The following LPP variants were observed in gnomAD, a reference collection of about 807,000 sequenced individuals.
The protein encoded by LPP is lipoma-preferred partner.
LPP carries 38 observed loss-of-function variants against 60.4 expected under a neutral mutation model. The observed-to-expected ratio is 0.63, with a 90% CI of 0.49 to 0.83. The LOEUF is 0.83. Among genes scored for constraint, LPP ranks in the 40% least tolerant of loss-of-function variants. LPP has a pLI of 0.00. For missense variants in LPP, 902 were observed against 783.6 expected (o/e 1.15, Z -1.80); for synonymous variants, 328 against 290.8 (o/e 1.13, Z -1.30).
intron 5 of LPP, among the ~76,000 whole-genome samples, chr3:188,501,969 C>T (rs1413296067): frequency 6.6e-6 from 1 of 151,412 alleles, no homozygotes; most frequent in African/African-American, 2.4e-5. Context: ...GTGAATTTTG[C>T]AGTTTTACTT....
chr3:188,784,130 C>A (rs941751983), intron 9 of LPP, among the ~76,000 whole-genome samples: 2 of 151,570 alleles, frequency 1.3e-5, no homozygotes, highest in African/African-American at 4.9e-5. Flanking sequence ...TATGCTTTTG[C>A]GTCCTCGTGG....
chr3:188,531,873 T>C (rs967647225), intron 6 of LPP, among the ~76,000 whole-genome samples: 3 of 152,128 alleles, frequency 2.0e-5, no homozygotes, highest in Non-Finnish European at 4.4e-5. Context: ...CCCCAATTTG[T>C]AGTCAAATCA....
intron 6 of LPP, among the ~76,000 whole-genome samples, chr3:188,586,020 T>A (rs1259636686): frequency 2.6e-5 from 4 of 152,208 alleles, no homozygotes; most frequent in African/African-American, 9.6e-5. Context: ...GGTGTGAAGA[T>A]CTTTTGCATT....
intron 6 of LPP, among the ~76,000 whole-genome samples, chr3:188,577,768 C>CCTTCCTTCCTTA: frequency 6.8e-6 from 1 of 146,116 alleles, no homozygotes; most frequent in South Asian, 2.2e-4. Context: ...TTCGTTCCTT[C>CCTTCCTTCCTTA]CTTCCTTCCT....
intron 3 of LPP, among the ~76,000 whole-genome samples, chr3:188,375,437 A>T (rs995944204): frequency 6.6e-6 from 1 of 152,148 alleles, no homozygotes; most frequent in Admixed American, 6.5e-5. Flanking sequence ...TAGGCTTGGG[A>T]GGATGTATGT....
chr3:188,249,900 TA>T (rs58762873), intron 2 of LPP, among the ~76,000 whole-genome samples: 5,474 of 119,038 alleles, frequency 0.046, 156 homozygotes, highest in African/African-American at 0.067. Flanking sequence ...TATATATATA[TA>T]TTTTTTTTTT....
chr3:188,538,535 CAT>C (rs1423780280), intron 6 of LPP, among the ~76,000 whole-genome samples: 12 of 152,120 alleles, frequency 7.9e-5, no homozygotes, highest in Admixed American at 3.9e-4. Context: ...AAAAAGACAA[CAT>C]GTGTTGGCAA....
At chr3:188,518,067 A>T (rs9829659) in intron 5 of LPP, among the ~76,000 whole-genome samples, 149,996 of 152,252 alleles carry the variant, frequency 0.99, 73,923 homozygotes, top group East Asian at 1. Flanking sequence ...CAGAAGCAGA[A>T]GGCAGCTCCA....
intron 2 of LPP, among the ~76,000 whole-genome samples, chr3:188,327,385 A>G (rs989609051): frequency 3.9e-5 from 6 of 152,168 alleles, no homozygotes; most frequent in African/African-American, 1.2e-4. Context: ...TGTTTACTAC[A>G]TGCTAGGCAC....
intron 6 of LPP, among the ~76,000 whole-genome samples, chr3:188,539,331 C>A (rs1824499132): frequency 6.6e-6 from 1 of 152,172 alleles, no homozygotes; most frequent in Admixed American, 6.5e-5. Flanking sequence ...AAGAAAGAAG[C>A]ACATGGAGGG....
At chr3:188,563,778 C>G (rs1325306306) in intron 6 of LPP, among the ~76,000 whole-genome samples, 1 of 143,286 alleles carries the variant, frequency 7.0e-6, no homozygotes, top group Admixed American at 7.3e-5. Context: ...GGGCCATCAT[C>G]GCAAATGTTA....
chr3:188,496,231 T>C (rs1810162636), intron 5 of LPP, among the ~76,000 whole-genome samples: 1 of 152,128 alleles, frequency 6.6e-6, no homozygotes, highest in South Asian at 2.1e-4. Flanking sequence ...GTTCAAGCCA[T>C]TCTCCCGCCT....
chr3:188,617,949 C>T (rs1324948133), intron 7 of LPP, among the ~76,000 whole-genome samples: 2 of 152,200 alleles, frequency 1.3e-5, no homozygotes, highest in Non-Finnish European at 2.9e-5. Flanking sequence ...TACAAACACT[C>T]ATACTGTCCA....
At chr3:188,798,426 G>T (rs146702600) in intron 9 of LPP, among the ~76,000 whole-genome samples, 60 of 152,256 alleles carry the variant, frequency 3.9e-4, no homozygotes, top group Admixed American at 1.9e-3. Flanking sequence ...AATAAGGCCT[G>T]TTGAGACATT....
chr3:188,479,017 G>A (rs1579213607), intron 4 of LPP, among the ~76,000 whole-genome samples: 1 of 152,232 alleles, frequency 6.6e-6, no homozygotes, highest in Non-Finnish European at 1.5e-5. Context: ...CTCCCAAAGT[G>A]CTGGGGTTAC....
At chr3:188,833,838 G>T (rs1240372619) in intron 9 of LPP, among the ~76,000 whole-genome samples, 1 of 151,992 alleles carries the variant, frequency 6.6e-6, no homozygotes. Context: ...TTCTTTTAAC[G>T]TAAACTATTT....
intron 2 of LPP, among the ~76,000 whole-genome samples, chr3:188,275,471 C>T (rs987352811): frequency 9.9e-5 from 15 of 152,110 alleles, no homozygotes; most frequent in African/African-American, 3.1e-4. Flanking sequence ...GCAATTCTGC[C>T]GTATCAGTCC....
At chr3:188,387,477 A>G (rs2148638281) in intron 3 of LPP, among the ~76,000 whole-genome samples, 1 of 152,122 alleles carries the variant, frequency 6.6e-6, no homozygotes, top group African/African-American at 2.4e-5. Context: ...AAATTTTGCG[A>G]TGATTAACAT....
intron 9 of LPP, among the ~76,000 whole-genome samples, chr3:188,857,630 G>T (rs1220591196): frequency 6.6e-6 from 1 of 152,168 alleles, no homozygotes; most frequent in Admixed American, 6.5e-5. Flanking sequence ...TGGATTTGGG[G>T]TATAATAAGG....
Sources: gnomAD v4.1 joint callset for allele counts (sites outside exome capture counted in the v4.1 genomes callset) on GRCh38, gnomAD v4.1.1 for gene constraint, MANE v1.5 for transcripts, NCBI Gene and HGNC (gene_info 2026-07-23, HGNC 2026-07-21) for gene names.